The following KIF22 variants were observed in gnomAD, a reference collection of about 807,000 sequenced individuals.
KIF22 encodes kinesin family member 22.
In KIF22, 62 loss-of-function variants were observed where a neutral mutation model predicts 73.0. That is an observed-to-expected ratio of 0.85 (90% CI 0.69 to 1.05). The LOEUF is 1.05. KIF22 is among the 50% of genes least tolerant of loss of function. The pLI is 0.00. For missense variants in KIF22, 854 were observed against 870.1 expected (o/e 0.98, Z 0.23); for synonymous variants, 411 against 340.1 (o/e 1.21, Z -2.29).
At chr16:29,800,085 T>G (rs771559708) in intron 8 of KIF22, 37 bp downstream of exon 8, 2 of 1,582,492 alleles carry the variant, frequency 1.3e-6, no homozygotes, top group Non-Finnish European at 1.7e-6. Flanking sequence ...CCCTTCCTGA[T>G]GTATGGCTTA....
intron 9 of KIF22, 154 bp from the exon 10 acceptor site, chr16:29,803,288 CTTAATTA>C: frequency 1.3e-6 from 1 of 798,938 alleles, no homozygotes; most frequent in South Asian, 1.9e-5. Flanking sequence ...ACAGAAAGCC[CTTAATTA>C]TGTTAGGCTC....
At position 29,799,297 on chromosome 16, in the gene KIF22, C is replaced by T; in HGVS notation, c.793C>T (p.Gln265Ter). 1 of 1,614,124 alleles carries T rather than the reference C, an allele frequency of 6.2e-7. No individual in the cohort carries two copies. The highest frequency in any genetic ancestry group is 1.7e-5 in the Admixed American group (1 of 60,010). The change falls in exon 6 of 14, where the codon CAG becomes TAG. Residue 265 changes from glutamine to a stop codon, truncating the protein, a stop_gained. Transcript: ENST00000160827. LOFTEE classifies it high-confidence loss of function. ...GCGGGAACGTTTGGCCCCATTTCGC[C>T]AGCGAGAGGGAAAACTCTACCTGAT... ...DQRERLAPFR[Q>*]REGKLYLIDL...
rs1021842236 is a variant in KIF22 at position 29,798,939 on chromosome 16, A to G, written c.550-36A>G. 2 of 1,599,722 alleles carry G rather than the reference A, an allele frequency of 1.3e-6. No homozygotes were observed. Among genetic ancestry groups the G allele is most frequent in the African/African-American group, 1.3e-5 (1 of 74,588 alleles). ...ATCCCCAGGAAGAAACAGCCTCTCT[A>G]TGGAGAATTGCCCTTCCCCTTCACT... is the stretch of plus-strand genomic sequence containing the variant. On this transcript the variant is annotated intron_variant, in intron 4 of 13. Coordinates refer to ENST00000160827, the MANE Select transcript of KIF22 (RefSeq NM_007317.3). The surrounding 1 kb of genome is among the most constrained non-coding windows in gnomAD (Gnocchi z 4.1).
At chr16:29,805,212 C>T (rs748188913) in intron 13 of KIF22, 38 bp downstream of exon 13, 16 of 1,613,918 alleles carry the variant, frequency 9.9e-6, no homozygotes, top group Admixed American at 1.7e-5. Flanking sequence ...GCCTGTCCTG[C>T]GCCCCGCGCC....
In KIF22 at chr16:29,797,500, G is replaced by A. The variant is rs1010956078; in HGVS notation, c.266+412G>A. Reference sequence around the variant, plus strand: ...GGGCAGCTACTTTATAATCCTACTGGGGATTTAAAGTTCAAACTCCTTGGC... The same window carrying A: ...GGGCAGCTACTTTATAATCCTACTGAGGATTTAAAGTTCAAACTCCTTGGC... On this transcript the variant is annotated intron_variant, in intron 2 of 13. Transcript: ENST00000160827. The surrounding 1 kb of genome is among the most constrained non-coding windows in gnomAD (Gnocchi z 4.1). 2.0e-5 allele frequency among the ~76,000 whole-genome samples: 3 copies of A among 152,118 alleles called. No homozygotes were observed. The highest frequency in any genetic ancestry group is 7.2e-5 in the African/African-American group (3 of 41,412).
rs764020056 is a variant in KIF22, at chr16:29,790,782, A to T, written c.23A>T (p.Gln8Leu). The change falls in exon 1 of 14, where the codon CAG becomes CTG. Residue 8 changes from glutamine (Q) to leucine (L), a missense_variant. Around this residue, in one of 3 missense-constraint regions of KIF22, gnomAD observed 186 missense variants for 152.9 expected, o/e 1.22. Transcript: ENST00000160827. ...GGAATGGCCGCGGGCGGCTCGACGC[A>T]GCAGAGGCGACGCGAGATGGCGGCA... MAAGGST[Q>L]QRRREMAAAS... The T allele has an allele frequency of 1.1e-5, 17 of 1,601,890 alleles. No individual in the cohort carries two copies. The South Asian group carries it at 1.8e-4, about 17-fold the overall frequency.
chr16:29,791,326 G>GT (rs1898809770), intron 1 of KIF22: 1 of 808,554 alleles, frequency 1.2e-6, no homozygotes, highest in Non-Finnish European at 1.5e-6. Context: ...CTGCTGCTGG[G>GT]TTTGAGTTGG....
intron 1 of KIF22, among the ~76,000 whole-genome samples, chr16:29,791,961 G>GTAGA (rs1224502013): frequency 1.3e-5 from 2 of 152,162 alleles, no homozygotes; most frequent in South Asian, 2.1e-4. Context: ...TTTCAATAGA[G>GTAGA]TGTCACATAC....
chr16:29,804,624 C>T (rs1899283282), intron 11 of KIF22, 190 bp from the exon 12 acceptor site: 3 of 699,344 alleles, frequency 4.3e-6, no homozygotes, highest in South Asian at 1.5e-5. Flanking sequence ...CTGAGTAGTA[C>T]CTCTCTTTCA....
rs376027965 is a variant in KIF22 at position 29,802,537 on chromosome 16, CTT to C, written c.1281-231_1281-230del. 1.5e-3 allele frequency among the ~76,000 whole-genome samples: 227 copies of C among 152,250 alleles called. 2 individuals carry two copies. Among genetic ancestry groups the C allele is most frequent in the African/African-American group, 5.3e-3 (220 of 41,524 alleles). Reference sequence around the variant, plus strand: ...CAGTGCCTCCAGGGCAGGGCAGTGTCTTAGGTCTCTCATACCTGGCACTCAAG... The same window carrying C: ...CAGTGCCTCCAGGGCAGGGCAGTGTCAGGTCTCTCATACCTGGCACTCAAG... On this transcript the variant is annotated intron_variant, in intron 8 of 13. Coordinates refer to ENST00000160827, the MANE Select transcript of KIF22 (RefSeq NM_007317.3).
Position 29,798,857 on chromosome 16 carries a change from C to CA in KIF22, c.549+111dup. 4.6e-6 allele frequency: 7 copies of CA among 1,535,690 alleles called. No individual in the cohort carries two copies. The highest frequency in any genetic ancestry group is 5.4e-6 in the Non-Finnish European group (6 of 1,120,802). ...GGAGGTAAGGTGAGACCTAGAAAGA[C>CA]AGAGACTGGGGTAGCAGATGGTACA... On this transcript the variant is annotated intron_variant, in intron 4 of 13. Coordinates refer to ENST00000160827, the MANE Select transcript of KIF22 (RefSeq NM_007317.3). The surrounding 1 kb of genome is among the most constrained non-coding windows in gnomAD (Gnocchi z 4.1).
chr16:29,804,337 CT>C, intron 11 of KIF22: 1 of 601,834 alleles, frequency 1.7e-6, no homozygotes, highest in Non-Finnish European at 3.0e-6. Flanking sequence ...AGAGGGAAAA[CT>C]TAGGGAACTA....
rs1174270928 is a variant in KIF22 at position 29,804,148 on chromosome 16, G to C, written c.1677+83G>C. On this transcript the variant is annotated intron_variant, in intron 11 of 13. Transcript: ENST00000160827. ...CTCTAGGGGGAGGAGCGTTGGCCTT[G>C]GGGTTAAACGAACTGGATGATGGCC... 9.8e-6 allele frequency: 11 copies of C among 1,121,544 alleles called. No homozygotes were observed. In the East Asian group the frequency reaches 1.2e-4, roughly 12 times the overall value. The allele number at this position is 1,121,544 out of a possible 1,614,324, so 69.5% of individuals were successfully genotyped here. A position where few individuals can be genotyped will look rare whatever the true frequency, so the allele number is the denominator to read the frequency against.
intron 1 of KIF22, among the ~76,000 whole-genome samples, chr16:29,794,872 G>A (rs1251304238): frequency 2.0e-5 from 3 of 152,044 alleles, no homozygotes; most frequent in Non-Finnish European, 4.4e-5. Flanking sequence ...CACTGCGCCC[G>A]GCCAAATTCT....
At chr16:29,794,746 T>C (rs1275358079) in intron 1 of KIF22, among the ~76,000 whole-genome samples, 2 of 152,082 alleles carry the variant, frequency 1.3e-5, no homozygotes, top group Admixed American at 6.5e-5. Flanking sequence ...CATACCTGAC[T>C]AATTTTTGTA....
chr16:29,801,510 T>A (rs1261815609), intron 8 of KIF22, among the ~76,000 whole-genome samples: 1 of 152,078 alleles, frequency 6.6e-6, no homozygotes. Context: ...TCCCAAACCA[T>A]CTGTCAGCAC....
At position 29,803,332 on chromosome 16, in the gene KIF22, G is replaced by C. The variant is rs111633342; in HGVS notation, c.1450-117G>C. 2.1e-3 allele frequency: 2,624 copies of C among 1,242,302 alleles called. 30 individuals carry two copies. The African/African-American group carries it at 0.036, about 17-fold the overall frequency. The allele number at this position is 1,242,302 out of a possible 1,614,324, so 77.0% of individuals were successfully genotyped here. On this transcript the variant is annotated intron_variant, in intron 9 of 13. Coordinates refer to ENST00000160827, the MANE Select transcript of KIF22 (RefSeq NM_007317.3). ...ACCTGTCTCCTGGTAACCTCCCACT[G>C]GTCCTAGCCCTGCCCTCTGGGGGCT...
rs1482661478 is a variant in KIF22, at chr16:29,799,473, C to T, written c.969C>T (p.Ser323=). Residue 323 remains serine, a synonymous_variant, in exon 6 of 14, where the codon AGC becomes AGT. Coordinates refer to ENST00000160827, the MANE Select transcript of KIF22 (RefSeq NM_007317.3). Reference sequence around the variant, plus strand: ...TCCCTCGTGTACCTTATCGGGACAGCAAGCTCACTCGCCTATTGCAGGTCA... The same window carrying T: ...TCCCTCGTGTACCTTATCGGGACAGTAAGCTCACTCGCCTATTGCAGGTCA... ...QGLPRVPYRD[S]KLTRLLQDSL... is the part of the protein sequence containing the mutation. 3 of 1,614,148 alleles carry T rather than the reference C, an allele frequency of 1.9e-6. No homozygotes were observed. Among genetic ancestry groups the T allele is most frequent in the Middle Eastern group, 1.6e-4 (1 of 6,062 alleles).
In KIF22 at chr16:29,804,825, G is replaced by A. The variant is rs773111101; in HGVS notation, c.1689G>A (p.Leu563=). 6.2e-7 allele frequency: 1 copy of A among 1,609,022 alleles called. No homozygotes were observed. Among genetic ancestry groups the A allele is most frequent in the East Asian group, 2.2e-5 (1 of 44,782 alleles). Residue 563 remains leucine, a synonymous_variant, in exon 12 of 14, where the codon CTG becomes CTA. Transcript: ENST00000160827. ...NKGRKRKLES[L]DALEPEEKAE... ...CCTTTGCCTCCCAGCTGGAGTCCCT[G>A]GATGCCCTAGAGCCTGAGGAGAAGG...
Sources: allele counts gnomAD v4.1 joint callset (sites outside exome capture counted in the v4.1 genomes callset), GRCh38; gene constraint gnomAD v4.1.1; regional missense constraint gnomAD v4.1.1; non-coding constraint Gnocchi (gnomAD v3.1); transcripts MANE v1.5; gene names NCBI Gene and HGNC (gene_info 2026-07-23, HGNC 2026-07-21).